CTH: variants seen among roughly 807,000 people sequenced by gnomAD.
The protein encoded by CTH is cystathionase (cystathionine gamma-lyase).
CTH carries 41 observed loss-of-function variants against 50.6 expected under a neutral mutation model. The observed-to-expected ratio is 0.81, with a 90% CI of 0.63 to 1.05. The LOEUF is 1.05. Among genes scored for constraint, CTH ranks in the 50% least tolerant of loss-of-function variants. The probability of loss-of-function intolerance (pLI) is 0.00; values close to 1 mark genes in which losing one functional copy is unlikely to be tolerated. For synonymous variants in CTH, 156 were observed against 168.9 expected, an observed-to-expected ratio of 0.92 and a Z score of 0.59; for missense variants, 470 against 492.6, an observed-to-expected ratio of 0.95 and a Z score of 0.43.
chr1:70,415,511 T>A (rs968509049), intron 1 of CTH, among the ~76,000 whole-genome samples: 1 of 152,184 alleles, frequency 6.6e-6, no homozygotes, highest in Non-Finnish European at 1.5e-5. Context: ...TCCTAATGTT[T>A]CCAGATTAAT....
At chr1:70,416,473 ACCT>A (rs1235698054) in intron 2 of CTH, among the ~76,000 whole-genome samples, 5 of 150,740 alleles carry the variant, frequency 3.3e-5, no homozygotes, top group Non-Finnish European at 5.9e-5. Flanking sequence ...GCTCATTGCA[ACCT>A]CCTCCTCCAG....
chr1:70,430,468 G>A, intron 7 of CTH, 74 bp downstream of exon 7: 1 of 761,116 alleles, frequency 1.3e-6, no homozygotes, highest in Non-Finnish European at 2.4e-6. Flanking sequence ...TCCACTAAGT[G>A]ATGTGAAGTG....
At chr1:70,424,568 T>C (rs1316040116) in intron 5 of CTH, 152 bp downstream of exon 5, 1 of 1,295,168 alleles carries the variant, frequency 7.7e-7, no homozygotes, top group Non-Finnish European at 1.1e-6. Flanking sequence ...AATTTGGACC[T>C]CTTCTACCAT....
In CTH at chr1:70,433,885, G is replaced by A; in HGVS notation, c.935G>A (p.Gly312Glu). The change falls in exon 9 of 12, where the codon GGG (glycine) becomes GAG (glutamate). Residue 312 changes from glycine to glutamate, a missense_variant. Physicochemically the swap from Gly to Glu is moderately conservative, Grantham distance 98. Transcript: ENST00000370938. The stretch of plus-strand genomic sequence containing the variant: ...AAGCGTCAGTGTACAGGTTGTACAG[G>A]GATGGTCACCTTTTATATTAAGGGC... ...LVKRQCTGCT[G>E]MVTFYIKGTL... 1 of 1,614,112 alleles carries A rather than the reference G, an allele frequency of 6.2e-7. No homozygotes were observed. The highest frequency in any genetic ancestry group is 8.5e-7 in the Non-Finnish European group (1 of 1,180,006).
rs1228423091 is a variant in CTH, at chr1:70,411,399, T to C, written c.-17T>C. On this transcript the variant is annotated 5_prime_UTR_variant, in exon 1 of 12. Transcript: ENST00000370938. Reference sequence around the variant, plus strand: ...TCTTCGGTGTTCTTTTCCTCTCTTCTTCTTTCGCGGTTCAGCATGCAGGAA... The same window carrying C: ...TCTTCGGTGTTCTTTTCCTCTCTTCCTCTTTCGCGGTTCAGCATGCAGGAA... The C allele has an allele frequency of 2.5e-6, 4 of 1,613,886 alleles. No individual in the cohort carries two copies. The highest frequency in any genetic ancestry group is 3.4e-6 in the Non-Finnish European group (4 of 1,179,738).
chr1:70,439,456 G>A lies in CTH; in HGVS notation c.*329G>A, dbSNP rs917354877. ...TTTTGATCATGTTTATAATATAATG[G>A]TAATTCATTTTTGATGTTTTGTGAA... On this transcript the variant is annotated 3_prime_UTR_variant, in exon 12 of 12. Transcript: ENST00000370938. 1 of 243,456 alleles carries A rather than the reference G, an allele frequency of 4.1e-6. No homozygotes were observed. The highest frequency in any genetic ancestry group is 8.7e-5 in the East Asian group (1 of 11,538). The allele number at this position is 243,456 out of a possible 1,614,324, so 15.1% of individuals were successfully genotyped here.
chr1:70,432,964 G>A (rs525919), intron 8 of CTH, among the ~76,000 whole-genome samples: 40,187 of 151,960 alleles, frequency 0.26, 5,566 homozygotes, highest in Middle Eastern at 0.3. Context: ...GATTACAGGC[G>A]TGAGCCACTA....
intron 2 of CTH, 64 bp from the exon 3 acceptor site, chr1:70,417,873 T>C (rs1191560530): frequency 6.4e-7 from 1 of 1,574,422 alleles, no homozygotes; most frequent in Non-Finnish European, 8.7e-7. Flanking sequence ...GGTAAATACT[T>C]GGAGGTGTGT....
intron 4 of CTH, among the ~76,000 whole-genome samples, chr1:70,422,609 C>CT (rs57429096): frequency 0.026 from 3,332 of 127,128 alleles, 103 homozygotes; most frequent in African/African-American, 0.057. Flanking sequence ...TGGTCTGAGT[C>CT]TTTTTTTTTT....
rs761075279 is a variant in CTH, at chr1:70,439,137, G to A, written c.*10G>A. ...TGGAAGTCACAGCTAGTATTCCAGA[G>A]CTGCTATTAGAAGCTGCTTCCTGTG... On this transcript the variant is annotated 3_prime_UTR_variant, in exon 12 of 12. Coordinates refer to ENST00000370938, the MANE Select transcript of CTH (RefSeq NM_001902.6). 1.2e-6 allele frequency: 2 copies of A among 1,610,748 alleles called. No individual in the cohort carries two copies. Among genetic ancestry groups the A allele is most frequent in the East Asian group, 2.2e-5 (1 of 44,840 alleles).
intron 9 of CTH, 96 bp from the exon 10 acceptor site, chr1:70,435,029 G>A: frequency 8.6e-7 from 1 of 1,157,002 alleles, no homozygotes; most frequent in Admixed American, 2.1e-5. Flanking sequence ...GGGATTACAG[G>A]CATGAGCCAC....
At chr1:70,419,172 G>GTGTATATGTGC (rs1684159797) in intron 3 of CTH, among the ~76,000 whole-genome samples, 6 of 151,954 alleles carry the variant, frequency 3.9e-5, no homozygotes, top group Admixed American at 2.6e-4. Flanking sequence ...TTTTATGGCT[G>GTGTATATGTGC]CATAGTATTC....
chr1:70,434,809 G>C (rs1228473797), intron 9 of CTH: 1 of 188,920 alleles, frequency 5.3e-6, no homozygotes, highest in African/African-American at 2.5e-5. Context: ...CTGGAGTTCA[G>C]TGGCATGATC....
At chr1:70,423,450 A>G (rs1684272544) in intron 4 of CTH, among the ~76,000 whole-genome samples, 1 of 151,934 alleles carries the variant, frequency 6.6e-6, no homozygotes, top group African/African-American at 2.4e-5. Flanking sequence ...ACATGCCTGT[A>G]GTTCCAACTA....
At chr1:70,417,193 G>A (rs1191491765) in intron 2 of CTH, among the ~76,000 whole-genome samples, 1 of 151,974 alleles carries the variant, frequency 6.6e-6, no homozygotes, top group African/African-American at 2.4e-5. Context: ...GTCTGATTGC[G>A]AGTTTTGTTA....
intron 2 of CTH, 71 bp downstream of exon 2, chr1:70,416,108 TGTGGAACTG>T: frequency 1.1e-6 from 1 of 935,276 alleles, no homozygotes; most frequent in Non-Finnish European, 1.8e-6. Context: ...AGGCACAGAA[TGTGGAACTG>T]AAAAGAAACA....
intron 3 of CTH, among the ~76,000 whole-genome samples, chr1:70,419,700 TAA>T (rs5775006): frequency 3.3e-5 from 5 of 152,000 alleles, no homozygotes; most frequent in Admixed American, 6.6e-5. Context: ...TAAAGTATAA[TAA>T]AAAAAATTTA....
At chr1:70,427,117 GA>G (rs974621396) in intron 5 of CTH, among the ~76,000 whole-genome samples, 1 of 152,024 alleles carries the variant, frequency 6.6e-6, no homozygotes, top group African/African-American at 2.4e-5. Context: ...AAATCTTCCT[GA>G]AAAAAATCTT....
intron 6 of CTH, 124 bp from the exon 7 acceptor site, chr1:70,430,193 A>G (rs1038516442): frequency 1.5e-4 from 104 of 688,260 alleles, no homozygotes; most frequent in Non-Finnish European, 2.3e-4. Context: ...AACTTATTTT[A>G]TAGAGCTTTT....
Sources: gnomAD v4.1 joint callset for allele counts (sites outside exome capture counted in the v4.1 genomes callset) on GRCh38, gnomAD v4.1.1 for gene constraint, MANE v1.5 for transcripts, NCBI Gene and HGNC (gene_info 2026-07-23, HGNC 2026-07-21) for gene names.